The following RBPJ variants were observed in gnomAD, a reference collection of about 807,000 sequenced individuals.
RBPJ encodes recombination signal binding protein for immunoglobulin kappa J region.
A neutral mutation model predicts 67.8 loss-of-function variants in RBPJ; 9 were observed. That is an observed-to-expected ratio of 0.13 (90% CI 0.08 to 0.23). The LOEUF is 0.23. RBPJ is among the 10% of genes least tolerant of loss of function. The probability of loss-of-function intolerance (pLI) is 1.00; values close to 1 mark genes in which losing one functional copy is unlikely to be tolerated. For synonymous variants in RBPJ, 198 were observed against 203.3 expected (o/e 0.97, Z 0.22); for missense variants, 305 against 595.6 (o/e 0.51, Z 5.08).
intron 1 of RBPJ, among the ~76,000 whole-genome samples, chr4:26,195,058 C>T (rs539060054): frequency 1.7e-3 from 257 of 152,204 alleles, no homozygotes; most frequent in African/African-American, 5.8e-3. Context: ...TAAATGAATA[C>T]GTGTTTATCT....
At chr4:26,299,161 C>T (rs1456133786) in intron 1 of RBPJ, among the ~76,000 whole-genome samples, 1 of 152,102 alleles carries the variant, frequency 6.6e-6, no homozygotes, top group Non-Finnish European at 1.5e-5. Context: ...AGATGGAAAC[C>T]AATCACATTT....
upstream of RBPJ, among the ~76,000 whole-genome samples, chr4:26,315,144 C>CAAA (rs60940172): frequency 0.05 from 520 of 10,310 alleles, 54 homozygotes; most frequent in Non-Finnish European, 0.066. Context: ...GTCTCTGTCT[C>CAAA]AAAAAAAAAA....
the RBPJ span, among the ~76,000 whole-genome samples, chr4:26,127,385 T>C: frequency 3.3e-5 from 5 of 152,192 alleles, 1 homozygote; most frequent in African/African-American, 9.6e-5. Context: ...CATATGGAGA[T>C]TGGCTCTCCT....
At chr4:26,207,607 C>A (rs1718214393) in intron 1 of RBPJ, among the ~76,000 whole-genome samples, 1 of 152,180 alleles carries the variant, frequency 6.6e-6, no homozygotes, top group African/African-American at 2.4e-5. Flanking sequence ...GAGCTCCTAT[C>A]CTATGCCAAG....
chr4:26,316,612 ATT>A (rs1722644133), upstream of RBPJ, among the ~76,000 whole-genome samples: 1 of 140,424 alleles, frequency 7.1e-6, no homozygotes, highest in Admixed American at 7.4e-5. Context: ...ATATACACAT[ATT>A]GATATATATA....
chr4:26,240,446 A>G (rs1354426699), intron 1 of RBPJ, among the ~76,000 whole-genome samples: 3 of 152,236 alleles, frequency 2.0e-5, no homozygotes, highest in Non-Finnish European at 2.9e-5. Context: ...CATTTAGAAG[A>G]AATTCGTCTG....
chr4:26,155,574 A>G, the RBPJ span, among the ~76,000 whole-genome samples: 1 of 151,884 alleles, frequency 6.6e-6, no homozygotes, highest in Non-Finnish European at 1.5e-5. Context: ...AGCTGGGACT[A>G]CAGGCATGCA....
chr4:26,420,849 C>T (rs1735058404), intron 5 of RBPJ, 124 bp downstream of exon 5: 5 of 721,252 alleles, frequency 6.9e-6, no homozygotes, highest in Middle Eastern at 2.5e-4. Flanking sequence ...TTGTGGCCCT[C>T]TTTATTGTCT....
intron 1 of RBPJ, among the ~76,000 whole-genome samples, chr4:26,372,545 A>G (rs1195409949): frequency 6.6e-6 from 1 of 152,242 alleles, no homozygotes; most frequent in Non-Finnish European, 1.5e-5. Flanking sequence ...AGTATCAAGT[A>G]AATACATAAC....
the RBPJ span, among the ~76,000 whole-genome samples, chr4:26,125,540 T>A: frequency 6.6e-6 from 1 of 152,208 alleles, no homozygotes; most frequent in East Asian, 1.9e-4. Flanking sequence ...GGCTCACACC[T>A]GTAATCCCAG....
chr4:26,155,509 G>T, the RBPJ span, among the ~76,000 whole-genome samples: 224 of 147,200 alleles, frequency 1.5e-3, 1 homozygote, highest in Non-Finnish European at 2.4e-3. Context: ...ATCTCAGCTC[G>T]CTGCAACCTC....
intron 3 of RBPJ, chr4:26,410,345 ATTGTTCTTG>A (rs1200838510): frequency 5.0e-5 from 8 of 159,702 alleles, no homozygotes; most frequent in Non-Finnish European, 1.1e-4. Context: ...CAAATTTAAA[ATTGTTCTTG>A]ATGTTAAATA....
At chr4:26,292,645 C>T (rs530230124) in intron 1 of RBPJ, among the ~76,000 whole-genome samples, 1 of 150,592 alleles carries the variant, frequency 6.6e-6, no homozygotes, top group South Asian at 2.1e-4. Context: ...TGGTCTCAAA[C>T]TCCTGACCTC....
intron 1 of RBPJ, among the ~76,000 whole-genome samples, chr4:26,184,013 A>G (rs1429434517): frequency 1.3e-5 from 2 of 151,694 alleles, no homozygotes; most frequent in South Asian, 4.2e-4. Flanking sequence ...CTCTGTCTCA[A>G]AAAAACAAAA....
intron 1 of RBPJ, among the ~76,000 whole-genome samples, chr4:26,371,267 G>A (rs919644369): frequency 2.0e-5 from 3 of 151,990 alleles, no homozygotes; most frequent in African/African-American, 7.2e-5. Context: ...TAATCTTTTT[G>A]TTTTGGTTGC....
intron 1 of RBPJ, among the ~76,000 whole-genome samples, chr4:26,352,102 T>G (rs987699862): frequency 6.6e-6 from 1 of 152,180 alleles, no homozygotes; most frequent in African/African-American, 2.4e-5. Context: ...TGGTAGCAGT[T>G]TTAGCATTAT....
At chr4:26,194,292 C>A (rs1008248961) in intron 1 of RBPJ, among the ~76,000 whole-genome samples, 1 of 152,112 alleles carries the variant, frequency 6.6e-6, no homozygotes, top group African/African-American at 2.4e-5. Flanking sequence ...TACATTTGAG[C>A]CCCGGGTAAG....
At chr4:26,347,314 G>A (rs1726269671) in intron 1 of RBPJ, among the ~76,000 whole-genome samples, 1 of 152,198 alleles carries the variant, frequency 6.6e-6, no homozygotes, top group Admixed American at 6.5e-5. Context: ...TTGGGAGTGG[G>A]CAATATCTCT....
chr4:26,207,693 T>C (rs1012599193), intron 1 of RBPJ, among the ~76,000 whole-genome samples: 5 of 152,192 alleles, frequency 3.3e-5, no homozygotes, highest in African/African-American at 1.2e-4. Context: ...GCTGATGCTC[T>C]GCTGGGGAGA....
Sources: allele counts gnomAD v4.1 joint callset (sites outside exome capture counted in the v4.1 genomes callset), GRCh38; gene constraint gnomAD v4.1.1; transcripts MANE v1.5; gene names NCBI Gene and HGNC (gene_info 2026-07-23, HGNC 2026-07-21).